ITGAD: variants seen among roughly 807,000 people sequenced by gnomAD.
ITGAD encodes integrin alpha-D.
A neutral mutation model predicts 139.0 loss-of-function variants in ITGAD; 105 were observed. The ratio of observed to expected loss-of-function variants is 0.76; its 90% CI spans 0.65 to 0.89. ITGAD has a LOEUF of 0.89. ITGAD is among the 40% of genes least tolerant of loss of function. The pLI is 0.00. For synonymous variants in ITGAD, 569 were observed against 598.3 expected (o/e 0.95, Z 0.71); for missense variants, 1,384 against 1,487.3 (o/e 0.93, Z 1.14).
intron 2 of ITGAD, 36 bp from the exon 3 acceptor site, chr16:31,397,323 G>A (rs2081289236): frequency 1.4e-6 from 2 of 1,447,220 alleles, no homozygotes; most frequent in Middle Eastern, 1.8e-4. Context: ...CACCCCTCCT[G>A]TGGCTGCAGT....
intron 21 of ITGAD, 24 bp from the exon 22 acceptor site, chr16:31,418,277 A>G: frequency 6.2e-7 from 1 of 1,610,966 alleles, no homozygotes; most frequent in Non-Finnish European, 8.5e-7. Context: ...TTTTATCCCC[A>G]TTCTTTCCTT....
intron 11 of ITGAD, 60 bp from the exon 12 acceptor site, chr16:31,410,676 G>T: frequency 6.4e-7 from 1 of 1,568,704 alleles, no homozygotes; most frequent in Non-Finnish European, 8.6e-7. Context: ...CCTGGGGTGG[G>T]GGTCCAGGGT....
At chr16:31,402,291 C>A in intron 6 of ITGAD, 46 bp downstream of exon 6, 1 of 622,840 alleles carries the variant, frequency 1.6e-6, no homozygotes, top group South Asian at 2.8e-5. Context: ...ACGGGGGAGG[C>A]TGGCCTCGGG....
At chr16:31,409,887 G>C (rs1356030876) in intron 10 of ITGAD, among the ~76,000 whole-genome samples, 2 of 145,734 alleles carry the variant, frequency 1.4e-5, no homozygotes, top group Non-Finnish European at 3.0e-5. Flanking sequence ...ATCACAGCCT[G>C]TGTGACAGAG....
intron 12 of ITGAD, 84 bp from the exon 13 acceptor site, chr16:31,410,992 T>C: frequency 6.2e-7 from 1 of 1,601,934 alleles, no homozygotes; most frequent in Non-Finnish European, 8.5e-7. Context: ...GGAGAGGTCC[T>C]GGTACCTGGG....
chr16:31,397,370 G>A lies in ITGAD; in HGVS notation c.149G>A (p.Gly50Glu). Residue 50 changes from glycine (G) to glutamate (E), a missense_variant, in exon 3 of 30, where the codon GGA becomes GAA. Coordinates refer to ENST00000389202, the MANE Select transcript of ITGAD (RefSeq NM_005353.3). ...GGTTGTGTCTCCAGACTCGTGGTGG[G>A]AGCACCCCTGGAGGTGGTGGCGGCC... is the stretch of plus-strand genomic sequence containing the variant. Reference protein sequence around the residue: ...VQFGGSRLVVGAPLEVVAANQ... With the variant: ...VQFGGSRLVVEAPLEVVAANQ... 6.3e-7 allele frequency: 1 copy of A among 1,599,198 alleles called. No individual in the cohort carries two copies. The highest frequency in any genetic ancestry group is 8.5e-7 in the Non-Finnish European group (1 of 1,173,020).
In ITGAD at chr16:31,403,598, C is replaced by T. The variant is rs1390471032; in HGVS notation, c.657C>T (p.Val219=). The T allele has an allele frequency of 3.1e-6, 5 of 1,614,176 alleles. No individual in the cohort carries two copies. Among genetic ancestry groups the T allele is most frequent in the Non-Finnish European group, 4.2e-6 (5 of 1,180,030 alleles). ...AGCAGAGCCTGGTGGATCCCATCGT[C>T]CAACTGAAAGGCCTGACGTTCACGG... ...PSQQSLVDPI[V]QLKGLTFTAT... is the part of the protein sequence containing the mutation. Residue 219 remains valine (V), a synonymous_variant, in exon 7 of 30, where the codon GTC becomes GTT. Coordinates refer to ENST00000389202, the MANE Select transcript of ITGAD (RefSeq NM_005353.3). This position sits in a 1 kb window ranked among gnomAD's most constrained non-coding sequence, Gnocchi z 4.4.
At position 31,424,126 on chromosome 16, in the gene ITGAD, G is replaced by A. The variant is rs777729629; in HGVS notation, c.3184G>A (p.Val1062Met). The A allele has an allele frequency of 8.7e-6, 14 of 1,614,240 alleles. No individual in the cohort carries two copies. The highest frequency in any genetic ancestry group is 3.3e-5 in the South Asian group (3 of 91,088). ...GACATTGCAGAAGAAGGTGTTGGTC[G>A]TGAGTGTGGCTGAAATTACGTTCGA... is the stretch of plus-strand genomic sequence containing the variant. Reference protein sequence around the residue: ...RETLQKKVLVVSVAEITFDTS... With the variant: ...RETLQKKVLVMSVAEITFDTS... Residue 1062 changes from valine (V) to methionine (M), a missense_variant, in exon 28 of 30, where the codon GTG (valine) becomes ATG (methionine). Val to Met is a conservative substitution (Grantham distance 21). Transcript: ENST00000389202.
At position 31,413,247 on chromosome 16, in the gene ITGAD, G is replaced by GA. The variant is rs1491353635; in HGVS notation, c.1996+1_1996+2insA. 1 of 1,613,946 alleles carries GA rather than the reference G, an allele frequency of 6.2e-7. No individual in the cohort carries two copies. The highest frequency in any genetic ancestry group is 1.7e-5 in the Admixed American group (1 of 59,996). On this transcript the variant is annotated splice_donor_variant, in intron 16 of 29. Coordinates refer to ENST00000389202, the MANE Select transcript of ITGAD (RefSeq NM_005353.3). LOFTEE classifies it high-confidence loss of function. ...CAGAAAAGCTCACTGGACCAGCTAG[G>GA]TGTGTTTCCCCCATAAAGGGGGCCC...
Position 31,395,395 on chromosome 16 carries a change from C to T in ITGAD, c.137+1054C>T, listed in dbSNP as rs544746185. Among the ~76,000 whole-genome samples the T allele has an allele frequency of 5.9e-5, 9 of 152,238 alleles. No individual in the cohort carries two copies. The South Asian group carries it at 1.2e-3, about 21-fold the overall frequency. ...GCTCAGCAGCAGCCCCACCTCCCAC[C>T]GCCTCCTGAAGGGTGGTGAAGGGGT... On this transcript the variant is annotated intron_variant, in intron 2 of 29. Transcript: ENST00000389202.
At chr16:31,399,069 T>TCA (rs2081341876) in intron 5 of ITGAD, among the ~76,000 whole-genome samples, 1 of 152,232 alleles carries the variant, frequency 6.6e-6, no homozygotes. Context: ...TCAGTGCCCA[T>TCA]GTCTTCCACA....
At chr16:31,409,678 C>T (rs998739128) in intron 10 of ITGAD, among the ~76,000 whole-genome samples, 9 of 151,850 alleles carry the variant, frequency 5.9e-5, no homozygotes, top group African/African-American at 2.2e-4. Context: ...AAGAGGCTGA[C>T]GTGGGAGGGT....
chr16:31,414,930 C>T lies in ITGAD; in HGVS notation c.2222C>T (p.Pro741Leu). 2 of 1,614,058 alleles carry T rather than the reference C, an allele frequency of 1.2e-6. No individual in the cohort carries two copies. Among genetic ancestry groups the T allele is most frequent in the South Asian group, 1.1e-5 (1 of 91,074 alleles). The change falls in exon 18 of 30, where the codon CCC becomes CTC. Residue 741 changes from proline to leucine, a missense_variant. Coordinates refer to ENST00000389202, the MANE Select transcript of ITGAD (RefSeq NM_005353.3). ...LNFSLVREPIPSPQNLRPVLA... is the reference protein window; with the variant it reads ...LNFSLVREPILSPQNLRPVLA... ...TTCTCACTGGTGAGAGAGCCCATCC[C>T]CTCCCCCCAGAACCTGCGTCCTGTG...
chr16:31,418,318 A>G lies in ITGAD; in HGVS notation c.2634A>G (p.Thr878=), dbSNP rs1252371363. The G allele has an allele frequency of 1.2e-6, 2 of 1,613,912 alleles. No homozygotes were observed. The highest frequency in any genetic ancestry group is 1.1e-5 in the South Asian group (1 of 91,078). Residue 878 remains threonine (T), a synonymous_variant, in exon 22 of 30, where the codon ACA becomes ACG. Coordinates refer to ENST00000389202, the MANE Select transcript of ITGAD (RefSeq NM_005353.3). The part of the protein sequence containing the change: ...HEGSNGTFIV[T]FDVSYKATLG... ...TCCCTCAGGGCACCTTCATAGTCAC[A>G]TTCGATGTCTCCTACAAGGCCACCC...
chr16:31,396,543 T>C (rs2081267774), intron 2 of ITGAD, among the ~76,000 whole-genome samples: 1 of 152,226 alleles, frequency 6.6e-6, no homozygotes. Flanking sequence ...TCCAAACTGC[T>C]ACCTCTCTAG....
At chr16:31,401,038 C>T (rs546054338) in intron 5 of ITGAD, among the ~76,000 whole-genome samples, 2 of 152,214 alleles carry the variant, frequency 1.3e-5, no homozygotes, top group South Asian at 2.1e-4. Flanking sequence ...GTGAGTGGAT[C>T]GTTAGAGCCC....
chr16:31,394,086 G>A (rs565488297), intron 1 of ITGAD, 150 bp from the exon 2 acceptor site: 8 of 501,102 alleles, frequency 1.6e-5, no homozygotes, highest in East Asian at 3.5e-5. Flanking sequence ...AGCTGAGATC[G>A]TGCCGTTGCA....
In ITGAD at chr16:31,414,576, C is replaced by T; in HGVS notation, c.2122C>T (p.His708Tyr). 6.2e-7 allele frequency: 1 copy of T among 1,614,154 alleles called. No individual in the cohort carries two copies. The highest frequency in any genetic ancestry group is 1.1e-5 in the South Asian group (1 of 91,088). The stretch of plus-strand genomic sequence containing the variant: ...AAGAAAAACCCTGGGACTGGGGATT[C>T]ACTGTGAAACCCTGAAGCTGCTTTT... ...TRRKTLGLGI[H>Y]CETLKLLLPD... Residue 708 changes from histidine (H) to tyrosine (Y), a missense_variant, in exon 17 of 30, where the codon CAC becomes TAC. Coordinates refer to ENST00000389202, the MANE Select transcript of ITGAD (RefSeq NM_005353.3).
chr16:31,403,570 G>C lies in ITGAD; in HGVS notation c.629G>C (p.Ser210Thr), dbSNP rs761780140. The change falls in exon 7 of 30, where the codon AGC becomes ACC. Residue 210 changes from serine (S) to threonine (T), a missense_variant. Transcript: ENST00000389202. The surrounding 1 kb of genome is among the most constrained non-coding windows in gnomAD (Gnocchi z 4.4). ...FTFTQFRTSP[S>T]QQSLVDPIVQ... ...TTCACCCAATTCCGGACCAGCCCGA[G>C]CCAGCAGAGCCTGGTGGATCCCATC... 1.9e-6 allele frequency: 3 copies of C among 1,614,222 alleles called. No homozygotes were observed. In the Admixed American group the frequency reaches 5.0e-5, roughly 27 times the overall value.
Sources: gnomAD v4.1 joint callset for allele counts (sites outside exome capture counted in the v4.1 genomes callset) on GRCh38, gnomAD v4.1.1 for gene constraint, Gnocchi (gnomAD v3.1) non-coding constraint, MANE v1.5 for transcripts, NCBI Gene and HGNC (gene_info 2026-07-23, HGNC 2026-07-21) for gene names.